The following HIP1 variants were observed in gnomAD, a reference collection of about 807,000 sequenced individuals.
HIP1 encodes the protein huntingtin-interacting protein 1.
A neutral mutation model predicts 147.6 loss-of-function variants in HIP1; 65 were observed. The observed-to-expected ratio is 0.44, with a 90% confidence interval of 0.36 to 0.54. HIP1 has a LOEUF of 0.54. Among genes scored for constraint, HIP1 ranks in the 20% least tolerant of loss-of-function variants. The pLI, the probability that HIP1 is intolerant of heterozygous loss-of-function variation, is 0.00. For synonymous variants in HIP1, 479 were observed against 504.0 expected, an observed-to-expected ratio of 0.95 and a Z score of 0.67; for missense variants, 1,061 against 1,299.6, an observed-to-expected ratio of 0.82 and a Z score of 2.82.
intron 2 of HIP1, among the ~76,000 whole-genome samples, chr7:75,594,636 T>C (rs1476419061): frequency 1.3e-5 from 2 of 152,066 alleles, no homozygotes; most frequent in Non-Finnish European, 2.9e-5. Flanking sequence ...TAGCCGGGCA[T>C]GGTGGTGCAT....
intron 1 of HIP1, among the ~76,000 whole-genome samples, chr7:75,719,960 A>G (rs1291621333): frequency 1.3e-5 from 2 of 152,078 alleles, no homozygotes; most frequent in African/African-American, 4.8e-5. Flanking sequence ...GCCTTTTCTA[A>G]TCCTCGGCTT....
chr7:75,623,576 C>T (rs781954245), intron 1 of HIP1, among the ~76,000 whole-genome samples: 4 of 152,100 alleles, frequency 2.6e-5, no homozygotes, highest in Non-Finnish European at 5.9e-5. Context: ...AAACAGGAAG[C>T]GAGGTCAGGG....
intron 1 of HIP1, among the ~76,000 whole-genome samples, chr7:75,646,064 G>A (rs555028126): frequency 1.3e-5 from 2 of 152,178 alleles, no homozygotes; most frequent in African/African-American, 2.4e-5. Context: ...ACCTGCACAT[G>A]TACCCCCTGA....
chr7:75,594,637 G>A (rs587684286), intron 2 of HIP1, among the ~76,000 whole-genome samples: 44 of 152,234 alleles, frequency 2.9e-4, no homozygotes, highest in African/African-American at 1.0e-3. Flanking sequence ...AGCCGGGCAT[G>A]GTGGTGCATG....
intron 27 of HIP1, among the ~76,000 whole-genome samples, chr7:75,544,144 C>G (rs1460356451): frequency 1.4e-5 from 2 of 142,212 alleles, no homozygotes; most frequent in Admixed American, 1.4e-4. Flanking sequence ...TGCACTCCAG[C>G]CTGGGTGACA....
At chr7:75,644,452 G>A (rs1313485380) in intron 1 of HIP1, among the ~76,000 whole-genome samples, 6 of 151,954 alleles carry the variant, frequency 3.9e-5, no homozygotes, top group African/African-American at 9.7e-5. Flanking sequence ...GCACCACCAC[G>A]CTCGGCAAAC....
intron 8 of HIP1, among the ~76,000 whole-genome samples, chr7:75,572,212 A>G (rs1215919871): frequency 6.8e-6 from 1 of 147,094 alleles, no homozygotes; most frequent in East Asian, 2.0e-4. Flanking sequence ...TGAGAGAGTG[A>G]GACTCTGTCT....
chr7:75,587,943 T>C (rs1796344838), intron 4 of HIP1, among the ~76,000 whole-genome samples: 1 of 152,084 alleles, frequency 6.6e-6, no homozygotes, highest in Non-Finnish European at 1.5e-5. Context: ...CCAGCCTTGG[T>C]GACAGAGCAA....
intron 1 of HIP1, among the ~76,000 whole-genome samples, chr7:75,679,339 G>C (rs1354072631): frequency 4.6e-5 from 7 of 152,140 alleles, no homozygotes; most frequent in African/African-American, 1.4e-4. Context: ...AAGTAGCTGG[G>C]ACTACAGGCA....
At chr7:75,574,822 G>A (rs587769062) in intron 7 of HIP1, among the ~76,000 whole-genome samples, 2 of 152,180 alleles carry the variant, frequency 1.3e-5, no homozygotes, top group Admixed American at 6.5e-5. Context: ...CTACCATGGC[G>A]GACATGGAGG....
At chr7:75,548,465 CTTTT>C (rs1294756749) in intron 23 of HIP1, among the ~76,000 whole-genome samples, 18 of 145,836 alleles carry the variant, frequency 1.2e-4, no homozygotes, top group African/African-American at 4.5e-4. Flanking sequence ...TTTGGTCTCT[CTTTT>C]TTTTTTTTAT....
At chr7:75,548,831 G>A in intron 23 of HIP1, 60 bp downstream of exon 23, 10 of 1,196,838 alleles carry the variant, frequency 8.4e-6, no homozygotes, top group East Asian at 7.0e-5. Context: ...TTAATGAGCA[G>A]TGTTGCAGAA....
chr7:75,564,358 G>T (rs1047728475), intron 9 of HIP1, among the ~76,000 whole-genome samples: 1 of 149,758 alleles, frequency 6.7e-6, no homozygotes, highest in East Asian at 2.0e-4. Context: ...GCAATGGCGC[G>T]ATCTCGGCTC....
At chr7:75,733,155 G>T (rs1801891166) in intron 1 of HIP1, among the ~76,000 whole-genome samples, 2 of 152,178 alleles carry the variant, frequency 1.3e-5, no homozygotes, top group Admixed American at 1.3e-4. Context: ...CCTCTTGGCT[G>T]GTGGGAGGAC....
In HIP1 at chr7:75,537,355, G is replaced by C; in HGVS notation, c.*817C>G. ...CACTCAGCAGCTCCGCCTGACCCTGGAGCATGGACTGGGTGGGCCAGCACT... is the reference window on the plus strand; with the variant it reads ...CACTCAGCAGCTCCGCCTGACCCTGCAGCATGGACTGGGTGGGCCAGCACT... On this transcript the variant is annotated 3_prime_UTR_variant, in exon 31 of 31. Transcript: ENST00000336926. 4.3e-6 allele frequency: 1 copy of C among 233,048 alleles called. No homozygotes were observed. 14.4% of individuals were successfully genotyped at this position (233,048 alleles called of 1,614,324 possible). A position where few individuals can be genotyped will look rare whatever the true frequency, so the allele number is the denominator to read the frequency against.
chr7:75,713,555 G>A (rs1326300442), intron 1 of HIP1, among the ~76,000 whole-genome samples: 1 of 152,202 alleles, frequency 6.6e-6, no homozygotes, highest in East Asian at 1.9e-4. Flanking sequence ...GATGCAACGC[G>A]GGCTATTCCA....
At position 75,589,683 on chromosome 7, in the gene HIP1, C is replaced by CAAAAA. The variant is rs1159535613; in HGVS notation, c.384+2368_384+2372dup. The stretch of plus-strand genomic sequence containing the variant: ...AGGCAACAGAGCAAGACTCTGTCTC[C>CAAAAA]AAAAAAAAAAAAAAAAAAAAAAAAA... On this transcript the variant is annotated intron_variant, in intron 4 of 30. Coordinates refer to ENST00000336926, the MANE Select transcript of HIP1 (RefSeq NM_005338.7). 2.7e-3 allele frequency among the ~76,000 whole-genome samples: 133 copies of CAAAAA among 49,636 alleles called. 3 individuals carry two copies. Among genetic ancestry groups the CAAAAA allele is most frequent in the African/African-American group, 0.011 (122 of 11,458 alleles). The allele number at this position is 49,636 out of a possible 152,430, so 32.6% of individuals were successfully genotyped here. A position where few individuals can be genotyped will look rare whatever the true frequency, so the allele number is the denominator to read the frequency against.
intron 1 of HIP1, among the ~76,000 whole-genome samples, chr7:75,675,009 T>C (rs2117255078): frequency 1.3e-5 from 2 of 152,178 alleles, no homozygotes; most frequent in Middle Eastern, 3.4e-3. Context: ...TTTCAAGTCA[T>C]TATTTCTTCA....
chr7:75,670,122 A>G (rs945861570), intron 1 of HIP1, among the ~76,000 whole-genome samples: 16 of 29,580 alleles, frequency 5.4e-4, no homozygotes, highest in African/African-American at 2.7e-3. Context: ...TTATTGTGAT[A>G]AAATATACAT....
Sources: allele counts gnomAD v4.1 joint callset (sites outside exome capture counted in the v4.1 genomes callset), GRCh38; gene constraint gnomAD v4.1.1; transcripts MANE v1.5; gene names NCBI Gene and HGNC (gene_info 2026-07-23, HGNC 2026-07-21).